The following GPC5 variants were observed in gnomAD, a reference collection of about 807,000 sequenced individuals.
GPC5 encodes the protein glypican 5.
GPC5 carries 47 observed loss-of-function variants against 53.9 expected under a neutral mutation model. The observed-to-expected ratio is 0.87, with a 90% CI of 0.69 to 1.11. GPC5 has a LOEUF of 1.11. GPC5 is among the 50% of genes most tolerant of loss of function. GPC5 has a pLI of 0.00. For synonymous variants in GPC5, 286 were observed against 263.3 expected (o/e 1.09, Z -0.84); for missense variants, 748 against 713.1 (o/e 1.05, Z -0.56).
intron 7 of GPC5, among the ~76,000 whole-genome samples, chr13:92,145,850 C>T (rs1423470548): frequency 6.6e-6 from 1 of 152,162 alleles, no homozygotes; most frequent in East Asian, 1.9e-4. Context: ...CTCAAAACCA[C>T]ACAGAGCTGC....
chr13:92,100,563 A>G (rs940352564), intron 6 of GPC5, among the ~76,000 whole-genome samples: 1 of 152,164 alleles, frequency 6.6e-6, no homozygotes, highest in South Asian at 2.1e-4. Flanking sequence ...AGGATTTTTC[A>G]TGTTTATTAT....
At chr13:91,512,897 G>T (rs4771837) in intron 2 of GPC5, among the ~76,000 whole-genome samples, 138,974 of 152,224 alleles carry the variant, frequency 0.91, 64,731 homozygotes, top group Non-Finnish European at 1. Flanking sequence ...ATCCAGCTTG[G>T]TTCTCATTAT....
intron 2 of GPC5, among the ~76,000 whole-genome samples, chr13:91,563,352 T>A (rs1275651162): frequency 6.6e-6 from 1 of 152,148 alleles, no homozygotes; most frequent in Non-Finnish European, 1.5e-5. Flanking sequence ...GAATTATGAT[T>A]TGCTGTTCCG....
intron 2 of GPC5, among the ~76,000 whole-genome samples, chr13:91,658,390 T>G (rs80211279): frequency 4.6e-5 from 7 of 151,448 alleles, no homozygotes; most frequent in Admixed American, 2.0e-4. Context: ...GGGAATTTTT[T>G]GGGGGGATAG....
At chr13:91,613,412 A>G (rs912859723) in intron 2 of GPC5, among the ~76,000 whole-genome samples, 2 of 152,124 alleles carry the variant, frequency 1.3e-5, no homozygotes, top group African/African-American at 4.8e-5. Context: ...ATCTGACCCC[A>G]TAGTTCAATT....
chr13:91,887,435 T>C (rs538213811), intron 5 of GPC5, among the ~76,000 whole-genome samples: 2 of 152,196 alleles, frequency 1.3e-5, no homozygotes, highest in African/African-American at 2.4e-5. Flanking sequence ...CATTTTCTCA[T>C]TGTCCTGGTG....
At chr13:92,830,799 C>T (rs1285183464) in intron 7 of GPC5, among the ~76,000 whole-genome samples, 1 of 152,056 alleles carries the variant, frequency 6.6e-6, no homozygotes, top group African/African-American at 2.4e-5. Flanking sequence ...TTGAATTCTG[C>T]AAGTATCAAC....
intron 7 of GPC5, among the ~76,000 whole-genome samples, chr13:92,664,319 C>G (rs1886496913): frequency 6.7e-6 from 1 of 149,908 alleles, no homozygotes; most frequent in African/African-American, 2.5e-5. Flanking sequence ...ATATTCTAGG[C>G]TTTGGATCAC....
At chr13:91,650,818 C>A (rs1240164222) in intron 2 of GPC5, among the ~76,000 whole-genome samples, 2 of 131,778 alleles carry the variant, frequency 1.5e-5, no homozygotes, top group Non-Finnish European at 3.1e-5. Flanking sequence ...GGGGAAAAAT[C>A]TTTTCTTAAT....
chr13:92,165,023 G>T (rs903822978), intron 7 of GPC5, among the ~76,000 whole-genome samples: 2 of 152,144 alleles, frequency 1.3e-5, no homozygotes. Flanking sequence ...AAGCGATAAG[G>T]CCCTTGGGCC....
intron 2 of GPC5, among the ~76,000 whole-genome samples, chr13:91,454,713 T>C (rs1232953009): frequency 6.6e-6 from 1 of 152,132 alleles, no homozygotes; most frequent in East Asian, 1.9e-4. Context: ...CCTTCCCTCC[T>C]TTCTTCTTCC....
chr13:91,489,168 A>G (rs1883788456), intron 2 of GPC5, among the ~76,000 whole-genome samples: 1 of 152,268 alleles, frequency 6.6e-6, no homozygotes, highest in Non-Finnish European at 1.5e-5. Context: ...CCCTGCCTCC[A>G]TTTACCTTGT....
At chr13:92,293,708 C>G (rs185270299) in intron 7 of GPC5, among the ~76,000 whole-genome samples, 1 of 152,182 alleles carries the variant, frequency 6.6e-6, no homozygotes, top group East Asian at 1.9e-4. Flanking sequence ...TCTGCTCTGG[C>G]TAGGACTTCC....
chr13:92,360,835 T>G (rs1423846962), intron 7 of GPC5, among the ~76,000 whole-genome samples: 1 of 151,824 alleles, frequency 6.6e-6, no homozygotes, highest in Non-Finnish European at 1.5e-5. Flanking sequence ...GCATCAATTT[T>G]TTAATACTCT....
chr13:92,390,727 A>G (rs934931914), intron 7 of GPC5, among the ~76,000 whole-genome samples: 2 of 152,142 alleles, frequency 1.3e-5, no homozygotes, highest in Non-Finnish European at 1.5e-5. Flanking sequence ...TGGCCAAAAA[A>G]GAGAAAAAAA....
At chr13:92,136,629 G>GTT (rs1566451018) in intron 6 of GPC5, among the ~76,000 whole-genome samples, 4 of 152,106 alleles carry the variant, frequency 2.6e-5, no homozygotes, top group South Asian at 2.1e-4. Flanking sequence ...GTAAATGATC[G>GTT]TAAGAGGAAG....
chr13:91,695,360 C>G (rs1566617302), intron 3 of GPC5, among the ~76,000 whole-genome samples: 1 of 151,832 alleles, frequency 6.6e-6, no homozygotes, highest in East Asian at 1.9e-4. Flanking sequence ...ACAAAATGCT[C>G]TTATTATTAT....
chr13:91,502,286 T>A (rs945910874), intron 2 of GPC5, among the ~76,000 whole-genome samples: 2 of 152,152 alleles, frequency 1.3e-5, no homozygotes, highest in Non-Finnish European at 2.9e-5. Flanking sequence ...TTTGTTGCCA[T>A]TGCTTTTGGT....
At chr13:92,219,843 A>G (rs1401089529) in intron 7 of GPC5, among the ~76,000 whole-genome samples, 1 of 152,192 alleles carries the variant, frequency 6.6e-6, no homozygotes, top group Non-Finnish European at 1.5e-5. Context: ...GTGACCAATC[A>G]GAAACCTCTA....
Sources: allele counts gnomAD v4.1 joint callset (sites outside exome capture counted in the v4.1 genomes callset), GRCh38; gene constraint gnomAD v4.1.1; transcripts MANE v1.5; gene names NCBI Gene and HGNC (gene_info 2026-07-23, HGNC 2026-07-21).